The following NCOA1 variants were observed in gnomAD, a reference collection of about 807,000 sequenced individuals.
NCOA1 encodes nuclear receptor coactivator 1, also known as Hin-2 protein.
A neutral mutation model predicts 150.9 loss-of-function variants in NCOA1; 35 were observed. That is an observed-to-expected ratio of 0.23 (90% CI 0.18 to 0.31). NCOA1 has a LOEUF of 0.31. NCOA1 is among the 10% of genes least tolerant of loss of function. The pLI is 1.00. For missense variants in NCOA1, 1,491 were observed against 1,749.3 expected, an observed-to-expected ratio of 0.85 and a Z score of 2.63; for synonymous variants, 590 against 630.0, an observed-to-expected ratio of 0.94 and a Z score of 0.95.
At chr2:24,605,351 A>G (rs923506379) in intron 3 of NCOA1, among the ~76,000 whole-genome samples, 23 of 152,192 alleles carry the variant, frequency 1.5e-4, no homozygotes, top group African/African-American at 5.3e-4. Flanking sequence ...AAAAGGAGGT[A>G]TGCCTGTATA....
At chr2:24,512,283 A>G (rs1663967309) in intron 1 of NCOA1, among the ~76,000 whole-genome samples, 2 of 152,236 alleles carry the variant, frequency 1.3e-5, no homozygotes, top group Admixed American at 1.3e-4. Flanking sequence ...CATTTTATAA[A>G]TAAAAAAAGT....
chr2:24,588,571 TCAGA>T (rs1244448843), intron 3 of NCOA1, among the ~76,000 whole-genome samples: 4 of 152,224 alleles, frequency 2.6e-5, no homozygotes, highest in Non-Finnish European at 5.9e-5. Flanking sequence ...CTATAAGCCC[TCAGA>T]CAAAGACTTT....
intron 19 of NCOA1, among the ~76,000 whole-genome samples, chr2:24,751,051 G>A (rs1280659867): frequency 1.3e-5 from 2 of 149,572 alleles, no homozygotes; most frequent in East Asian, 2.0e-4. Context: ...GCAGTGGTGC[G>A]ATCTCGTCTC....
At chr2:24,737,717 C>G (rs1663394228) in intron 17 of NCOA1, among the ~76,000 whole-genome samples, 1 of 152,164 alleles carries the variant, frequency 6.6e-6, no homozygotes, top group South Asian at 2.1e-4. Context: ...GTTGCTCCCT[C>G]TGTGCTGCCG....
chr2:24,671,891 A>G (rs879184889), intron 6 of NCOA1, among the ~76,000 whole-genome samples: 1 of 152,172 alleles, frequency 6.6e-6, no homozygotes, highest in Admixed American at 6.6e-5. Context: ...TCTCTACATT[A>G]CCTATTAAAA....
chr2:24,640,593 A>G (rs1028686233), intron 3 of NCOA1, among the ~76,000 whole-genome samples: 1 of 152,168 alleles, frequency 6.6e-6, no homozygotes, highest in African/African-American at 2.4e-5. Context: ...GGATCACTTA[A>G]GCCTGGGAGC....
rs1665218183 is a variant in NCOA1, at chr2:24,769,315, G to A, written c.*924G>A. The A allele has an allele frequency of 5.3e-6, 1 of 188,322 alleles. No homozygotes were observed. Among genetic ancestry groups the A allele is most frequent in the East Asian group, 8.6e-5 (1 of 11,588 alleles). The allele number at this position is 188,322 out of a possible 1,614,324, so 11.7% of individuals were successfully genotyped here. A position where few individuals can be genotyped will look rare whatever the true frequency, so the allele number is the denominator to read the frequency against. On this transcript the variant is annotated 3_prime_UTR_variant, in exon 23 of 23. Coordinates refer to ENST00000348332, the MANE Select transcript of NCOA1 (RefSeq NM_003743.5). ...TTCTTGTAGAAATTGATTTCCTTCT[G>A]TTTAATTTTATGCTTTTATTATACT...
chr2:24,760,973 G>A (rs375002207), intron 21 of NCOA1, among the ~76,000 whole-genome samples: 3 of 152,040 alleles, frequency 2.0e-5, no homozygotes, highest in African/African-American at 7.2e-5. Flanking sequence ...TCAGCCTTCT[G>A]AGTAGCTGGG....
rs1558892719 is a variant in NCOA1 at position 24,673,293 on chromosome 2, G to A, written c.257-73G>A. ...TGAATTTGAAATTTGGTGGATCTAT[G>A]TCTTCGTAAACTTGACTTTATGGAA... On this transcript the variant is annotated intron_variant, in intron 6 of 22. Coordinates refer to ENST00000348332, the MANE Select transcript of NCOA1 (RefSeq NM_003743.5). The A allele has an allele frequency of 2.0e-5, 21 of 1,037,746 alleles. 1 individual carries two copies. The Middle Eastern group carries it at 8.4e-4, about 42-fold the overall frequency. 64.3% of individuals were successfully genotyped at this position (1,037,746 alleles called of 1,614,324 possible). A position where few individuals can be genotyped will look rare whatever the true frequency, so the allele number is the denominator to read the frequency against.
At position 24,576,937 on chromosome 2, in the gene NCOA1, A is replaced by G. The variant is rs148873656; in HGVS notation, c.-259-7539A>G. Among the ~76,000 whole-genome samples the G allele has an allele frequency of 9.5e-4, 144 of 152,334 alleles. No homozygotes were observed. The Middle Eastern group carries it at 0.01, about 11-fold the overall frequency. On this transcript the variant is annotated intron_variant, in intron 2 of 22. Transcript: ENST00000348332. ...CTTGGTCAGTTGCCACATAGTTTAA[A>G]TAAGTTCTTAGTACTTTTAACTGAA... is the stretch of plus-strand genomic sequence containing the variant.
intron 1 of NCOA1, chr2:24,491,854 C>G (rs1662977797): frequency 1.3e-5 from 2 of 151,780 alleles, no homozygotes; most frequent in Admixed American, 1.3e-4. Flanking sequence ...GCTGCAGCAG[C>G]GACTTCTCTC....
chr2:24,758,570 A>G (rs961534155), intron 21 of NCOA1, among the ~76,000 whole-genome samples: 10 of 151,994 alleles, frequency 6.6e-5, no homozygotes, highest in Non-Finnish European at 7.4e-5. Flanking sequence ...GGCTCAAGCA[A>G]TCCTCCTATC....
At chr2:24,526,952 CTT>C (rs957809834) in intron 1 of NCOA1, among the ~76,000 whole-genome samples, 6 of 152,064 alleles carry the variant, frequency 3.9e-5, no homozygotes, top group African/African-American at 1.2e-4. Flanking sequence ...TATAAGTAGT[CTT>C]GAGGTTATTT....
At chr2:24,529,715 A>G (rs905167146) in intron 1 of NCOA1, among the ~76,000 whole-genome samples, 1 of 152,166 alleles carries the variant, frequency 6.6e-6, no homozygotes, top group Non-Finnish European at 1.5e-5. Context: ...ACTTTCCTCC[A>G]TAAGAATATT....
chr2:24,610,744 C>G (rs1376621933), intron 3 of NCOA1, among the ~76,000 whole-genome samples: 2 of 147,336 alleles, frequency 1.4e-5, no homozygotes, highest in African/African-American at 5.0e-5. Context: ...CTAATAGTGC[C>G]TTATTTACTT....
Position 24,622,184 on chromosome 2 carries a change from T to C in NCOA1, c.-174-21782T>C, listed in dbSNP as rs569068035. Among the ~76,000 whole-genome samples, 8 of 152,338 alleles carry C rather than the reference T, an allele frequency of 5.3e-5. No homozygotes were observed. In the South Asian group the frequency reaches 1.7e-3, roughly 32 times the overall value. ...TTGACCTAAATAAGAACTGTTGTTT[T>C]TTTTCCCTTCTGAGGAGAAGCATTT... On this transcript the variant is annotated intron_variant, in intron 3 of 22. Transcript: ENST00000348332.
At chr2:24,516,977 C>CATACGTAT (rs1553422186) in intron 1 of NCOA1, among the ~76,000 whole-genome samples, 11 of 58,964 alleles carry the variant, frequency 1.9e-4, no homozygotes, top group African/African-American at 5.0e-4. Context: ...TATATATACA[C>CATACGTAT]ATATACGTAT....
At chr2:24,524,898 C>T (rs1211203811) in intron 1 of NCOA1, among the ~76,000 whole-genome samples, 3 of 152,224 alleles carry the variant, frequency 2.0e-5, no homozygotes, top group African/African-American at 7.2e-5. Context: ...GTGTGAGCCA[C>T]TGCACCCAGC....
intron 21 of NCOA1, among the ~76,000 whole-genome samples, chr2:24,758,446 T>G (rs1664610042): frequency 6.8e-6 from 1 of 146,208 alleles, no homozygotes; most frequent in South Asian, 2.2e-4. Context: ...TCCTCCCACC[T>G]CAGACTCCTA....
Sources: gnomAD v4.1 joint callset for allele counts (sites outside exome capture counted in the v4.1 genomes callset) on GRCh38, gnomAD v4.1.1 for gene constraint, MANE v1.5 for transcripts, NCBI Gene and HGNC (gene_info 2026-07-23, HGNC 2026-07-21) for gene names.